XKR4: variants seen among roughly 807,000 people sequenced by gnomAD.
XKR4 encodes XK-related protein 4.
XKR4 carries 12 observed loss-of-function variants against 53.9 expected under a neutral mutation model. The ratio of observed to expected loss-of-function variants is 0.22; its 90% CI spans 0.14 to 0.36. The LOEUF (loss-of-function observed/expected upper bound fraction) is 0.36. XKR4 is among the 10% of genes least tolerant of loss of function. The pLI is 1.00. For missense variants in XKR4, 799 were observed against 859.5 expected (o/e 0.93, Z 0.88); for synonymous variants, 354 against 362.4 (o/e 0.98, Z 0.26).
intron 2 of XKR4, among the ~76,000 whole-genome samples, chr8:55,518,978 C>T (rs770143045): frequency 2.6e-5 from 4 of 152,036 alleles, no homozygotes; most frequent in Non-Finnish European, 5.9e-5. Context: ...CTGGGGAAGG[C>T]GCTCTTATAG....
At chr8:55,387,663 C>G (rs920732817) in intron 2 of XKR4, among the ~76,000 whole-genome samples, 2 of 152,176 alleles carry the variant, frequency 1.3e-5, no homozygotes, top group Admixed American at 6.5e-5. Context: ...GCTAGGGAGA[C>G]CAGGGCCCAG....
chr8:55,208,628 A>G (rs1563483361), intron 1 of XKR4, among the ~76,000 whole-genome samples: 1 of 151,956 alleles, frequency 6.6e-6, no homozygotes, highest in Non-Finnish European at 1.5e-5. Flanking sequence ...CACCACACCC[A>G]GCTAATTTTT....
chr8:55,532,354 T>C lies in XKR4; in HGVS notation c.*8127T>C, dbSNP rs941065344. The stretch of plus-strand genomic sequence containing the variant: ...GAAGCATATAATTACTGATATAATA[T>C]TTGCTAAGCAAAAATCTTGTTTAAC... On this transcript the variant is annotated 3_prime_UTR_variant, in exon 3 of 3. Coordinates refer to ENST00000327381, the MANE Select transcript of XKR4 (RefSeq NM_052898.2). 6.6e-6 allele frequency: 1 copy of C among 152,172 alleles called. No individual in the cohort carries two copies. The highest frequency in any genetic ancestry group is 2.1e-4 in the South Asian group (1 of 4,828). 9.4% of individuals were successfully genotyped at this position (152,172 alleles called of 1,614,324 possible). A position where few individuals can be genotyped will look rare whatever the true frequency, so the allele number is the denominator to read the frequency against.
intron 1 of XKR4, among the ~76,000 whole-genome samples, chr8:55,127,015 A>G (rs1816476436): frequency 2.0e-5 from 3 of 152,202 alleles, no homozygotes; most frequent in Non-Finnish European, 4.4e-5. Flanking sequence ...AGTTGGATAA[A>G]CAGATCAGAA....
intron 1 of XKR4, among the ~76,000 whole-genome samples, chr8:55,124,558 A>G (rs1364984130): frequency 6.6e-6 from 1 of 152,188 alleles, no homozygotes; most frequent in Non-Finnish European, 1.5e-5. Flanking sequence ...TTAAAGCTAC[A>G]TTTTTAAAAT....
intron 1 of XKR4, among the ~76,000 whole-genome samples, chr8:55,222,196 A>G (rs1022253615): frequency 4.6e-5 from 7 of 152,118 alleles, no homozygotes; most frequent in African/African-American, 7.2e-5. Flanking sequence ...ATGTTTTTCA[A>G]ACTCATTTAA....
intron 2 of XKR4, among the ~76,000 whole-genome samples, chr8:55,449,274 CG>C (rs1193980389): frequency 1.3e-5 from 2 of 152,124 alleles, no homozygotes; most frequent in Non-Finnish European, 2.9e-5. Flanking sequence ...AGGCCCATTG[CG>C]GGCTGTACTT....
chr8:55,508,126 C>T (rs1001293774), intron 2 of XKR4, among the ~76,000 whole-genome samples: 2 of 151,924 alleles, frequency 1.3e-5, no homozygotes, highest in Admixed American at 1.3e-4. Flanking sequence ...AATTGAAAAA[C>T]CTTTACAAGC....
intron 2 of XKR4, among the ~76,000 whole-genome samples, chr8:55,465,642 T>C (rs1805754482): frequency 6.6e-6 from 1 of 150,758 alleles, no homozygotes; most frequent in African/African-American, 2.4e-5. Context: ...AAATGGGATC[T>C]AATTAAACTA....
intron 2 of XKR4, among the ~76,000 whole-genome samples, chr8:55,458,144 A>T: frequency 6.6e-6 from 1 of 152,250 alleles, no homozygotes; most frequent in South Asian, 2.1e-4. Context: ...AAAAAAAATT[A>T]TTTGGCAATG....
intron 1 of XKR4, among the ~76,000 whole-genome samples, chr8:55,242,128 C>T (rs902978630): frequency 1.3e-5 from 2 of 152,154 alleles, no homozygotes; most frequent in Non-Finnish European, 2.9e-5. Context: ...TAAATAAATA[C>T]TTGCCTCATT....
chr8:55,509,686 C>T (rs1171315446), intron 2 of XKR4, among the ~76,000 whole-genome samples: 1 of 152,196 alleles, frequency 6.6e-6, no homozygotes, highest in Non-Finnish European at 1.5e-5. Context: ...ATTGGCTGGA[C>T]TGGCTTTGGT....
At chr8:55,224,670 A>ATTTGGCAAC (rs1423482087) in intron 1 of XKR4, among the ~76,000 whole-genome samples, 2 of 152,188 alleles carry the variant, frequency 1.3e-5, no homozygotes, top group Non-Finnish European at 2.9e-5. Flanking sequence ...AATTTGGCAA[A>ATTTGGCAAC]TTTCATTTCT....
chr8:55,335,935 T>A (rs559757708), intron 1 of XKR4, among the ~76,000 whole-genome samples: 1 of 149,014 alleles, frequency 6.7e-6, no homozygotes, highest in African/African-American at 2.5e-5. Flanking sequence ...GTTAGAACCA[T>A]AAATGGGTAG....
At chr8:55,374,521 C>G (rs139344705) in intron 2 of XKR4, among the ~76,000 whole-genome samples, 1 of 152,114 alleles carries the variant, frequency 6.6e-6, no homozygotes, top group East Asian at 1.9e-4. Flanking sequence ...GAAGGCCAAG[C>G]GCAGAACTGG....
At chr8:55,120,859 T>C (rs1305317323) in intron 1 of XKR4, among the ~76,000 whole-genome samples, 1 of 152,234 alleles carries the variant, frequency 6.6e-6, no homozygotes, top group Non-Finnish European at 1.5e-5. Flanking sequence ...CCTTGTGCTC[T>C]GCCTAATTCA....
At chr8:55,301,475 T>C (rs1338561907) in intron 1 of XKR4, among the ~76,000 whole-genome samples, 1 of 152,096 alleles carries the variant, frequency 6.6e-6, no homozygotes, top group Non-Finnish European at 1.5e-5. Flanking sequence ...TGTGTCTTTA[T>C]AGCAGCATGA....
intron 1 of XKR4, among the ~76,000 whole-genome samples, chr8:55,225,233 AT>A (rs1209440400): frequency 1.3e-5 from 2 of 152,214 alleles, no homozygotes; most frequent in Non-Finnish European, 2.9e-5. Flanking sequence ...TTTTGGTAGG[AT>A]ATAATGTTTC....
intron 1 of XKR4, among the ~76,000 whole-genome samples, chr8:55,255,412 A>T (rs1415656792): frequency 1.3e-5 from 2 of 152,166 alleles, no homozygotes; most frequent in African/African-American, 2.4e-5. Context: ...TTCCCACACA[A>T]TTTCCAGCAT....
Sources: allele counts gnomAD v4.1 joint callset (sites outside exome capture counted in the v4.1 genomes callset), GRCh38; gene constraint gnomAD v4.1.1; transcripts MANE v1.5; gene names NCBI Gene and HGNC (gene_info 2026-07-23, HGNC 2026-07-21).